Variants in LINGO2 observed in about 807,000 individuals in gnomAD.
LINGO2 encodes the protein leucine rich repeat and Ig domain containing 2, also known as leucine-rich repeat and immunoglobulin-like domain-containing nogo receptor-interacting protein 2.
A neutral mutation model predicts 30.6 loss-of-function variants in LINGO2; 14 were observed. The ratio of observed to expected loss-of-function variants is 0.46; its 90% CI spans 0.30 to 0.72. LINGO2 has a LOEUF of 0.72. Ranked by LOEUF, LINGO2 falls within the 30% of genes least tolerant of loss-of-function variation. LINGO2 has a pLI of 0.07. For missense variants in LINGO2, 729 were observed against 751.7 expected, an observed-to-expected ratio of 0.97 and a Z score of 0.35; for synonymous variants, 317 against 288.5, an observed-to-expected ratio of 1.10 and a Z score of -1.00.
chr9:28,010,721 G>C (rs750491499), intron 5 of LINGO2, among the ~76,000 whole-genome samples: 1 of 152,234 alleles, frequency 6.6e-6, no homozygotes, highest in Non-Finnish European at 1.5e-5. Flanking sequence ...GGGAGGCAGA[G>C]ATGGGAGGAT....
chr9:27,964,730 T>C (rs1280908175), intron 5 of LINGO2, among the ~76,000 whole-genome samples: 1 of 152,088 alleles, frequency 6.6e-6, no homozygotes, highest in Non-Finnish European at 1.5e-5. Context: ...TCAGTCCTTT[T>C]GTGTAGCAAT....
intron 4 of LINGO2, among the ~76,000 whole-genome samples, chr9:28,119,055 TAA>T (rs5897274): frequency 4.6e-5 from 7 of 152,028 alleles, no homozygotes; most frequent in South Asian, 4.2e-4. Context: ...GGCAGTCAAG[TAA>T]AAAAAAAATG....
chr9:28,711,531 A>T, the LINGO2 span, among the ~76,000 whole-genome samples: 4 of 152,134 alleles, frequency 2.6e-5, no homozygotes, highest in Admixed American at 6.6e-5. Context: ...AAGGTGAGCA[A>T]GGTTTTCAAA....
chr9:29,032,095 G>C, the LINGO2 span, among the ~76,000 whole-genome samples: 4 of 152,172 alleles, frequency 2.6e-5, no homozygotes, highest in African/African-American at 9.7e-5. Flanking sequence ...TTGTAGAGTA[G>C]TGCATAAACT....
At chr9:28,844,972 C>T in the LINGO2 span, among the ~76,000 whole-genome samples, 1 of 151,926 alleles carries the variant, frequency 6.6e-6, no homozygotes, top group South Asian at 2.1e-4. Context: ...TACAGAAAAT[C>T]ATATGCTAAG....
intron 1 of LINGO2, among the ~76,000 whole-genome samples, chr9:28,601,356 A>C (rs1357023750): frequency 6.6e-6 from 1 of 152,156 alleles, no homozygotes; most frequent in Non-Finnish European, 1.5e-5. Context: ...CCCAGCAGGC[A>C]GCCAGGTGCC....
intron 1 of LINGO2, among the ~76,000 whole-genome samples, chr9:28,556,664 AC>A (rs1261016486): frequency 2.6e-5 from 4 of 152,010 alleles, no homozygotes; most frequent in Non-Finnish European, 5.9e-5. Flanking sequence ...TTCATATGGA[AC>A]CAAAAAAGAG....
At chr9:28,628,401 T>A (rs1244847949) in intron 1 of LINGO2, among the ~76,000 whole-genome samples, 3 of 152,088 alleles carry the variant, frequency 2.0e-5, no homozygotes, top group Non-Finnish European at 4.4e-5. Flanking sequence ...GTAAAACAAA[T>A]GCTACTTGCA....
intron 1 of LINGO2, among the ~76,000 whole-genome samples, chr9:28,522,939 G>A (rs2135404723): frequency 6.6e-6 from 1 of 151,634 alleles, no homozygotes; most frequent in African/African-American, 2.4e-5. Context: ...AAAGACACAG[G>A]GAGAAACAGA....
the LINGO2 span, among the ~76,000 whole-genome samples, chr9:28,894,663 TAATA>T: frequency 2.0e-5 from 3 of 151,878 alleles, no homozygotes; most frequent in African/African-American, 7.2e-5. Flanking sequence ...TTTTACATTT[TAATA>T]ATATATAATA....
chr9:28,742,147 C>A, the LINGO2 span, among the ~76,000 whole-genome samples: 2 of 151,948 alleles, frequency 1.3e-5, no homozygotes, highest in Non-Finnish European at 2.9e-5. Flanking sequence ...GGGTTTGAGG[C>A]AAAATCTAAT....
At chr9:28,426,192 C>T (rs1823403765) in intron 2 of LINGO2, among the ~76,000 whole-genome samples, 1 of 151,968 alleles carries the variant, frequency 6.6e-6, no homozygotes, top group East Asian at 1.9e-4. Flanking sequence ...ATAATTTATC[C>T]TAGCAATAAA....
At chr9:28,307,297 T>A (rs1182862045) in intron 3 of LINGO2, among the ~76,000 whole-genome samples, 1 of 152,076 alleles carries the variant, frequency 6.6e-6, no homozygotes, top group South Asian at 2.1e-4. Flanking sequence ...ATAAATGTAA[T>A]CCAGCACATA....
intron 4 of LINGO2, among the ~76,000 whole-genome samples, chr9:28,278,265 T>C (rs758200640): frequency 2.0e-5 from 3 of 152,204 alleles, no homozygotes; most frequent in Non-Finnish European, 4.4e-5. Context: ...CAAGGGCTAA[T>C]GTAGAGGCTG....
At chr9:29,112,058 T>A in the LINGO2 span, among the ~76,000 whole-genome samples, 1 of 151,608 alleles carries the variant, frequency 6.6e-6, no homozygotes, top group South Asian at 2.1e-4. Flanking sequence ...TGTGTACATA[T>A]GATATATAAT....
chr9:28,189,677 AAGGAAGGGAGGAAGGAAGGGAGGG>A lies in LINGO2; in HGVS notation c.-87+105507_-87+105530del, dbSNP rs1564029501. 9.3e-3 allele frequency among the ~76,000 whole-genome samples: 239 copies of A among 25,640 alleles called. 12 individuals carry two copies. The highest frequency in any genetic ancestry group is 0.038 in the East Asian group (19 of 504). The allele number at this position is 25,640 out of a possible 152,430, so 16.8% of individuals were successfully genotyped here. A position where few individuals can be genotyped will look rare whatever the true frequency, so the allele number is the denominator to read the frequency against. On this transcript the variant is annotated intron_variant, in intron 4 of 5. Transcript: ENST00000379992. ...GAAGGAAGGAAGGAAGGGAGGAAGG[AAGGAAGGGAGGAAGGAAGGGAGGG>A]AGGAAGGAAGGAAGGAAGGAAGGTT...
chr9:28,806,786 A>C, the LINGO2 span, among the ~76,000 whole-genome samples: 2 of 152,140 alleles, frequency 1.3e-5, no homozygotes, highest in Non-Finnish European at 2.9e-5. Context: ...ACACTGGAGC[A>C]GCAGGACCCA....
chr9:28,870,578 A>G, the LINGO2 span, among the ~76,000 whole-genome samples: 1 of 152,030 alleles, frequency 6.6e-6, no homozygotes, highest in Non-Finnish European at 1.5e-5. Flanking sequence ...CTGTCTTCCA[A>G]TTCTTTGACC....
intron 4 of LINGO2, among the ~76,000 whole-genome samples, chr9:28,091,725 C>T (rs1478344596): frequency 6.6e-6 from 1 of 152,150 alleles, no homozygotes; most frequent in Non-Finnish European, 1.5e-5. Context: ...TAAAGAGCTT[C>T]TGCAGAGCAA....
Sources: allele counts gnomAD v4.1 joint callset (sites outside exome capture counted in the v4.1 genomes callset), GRCh38; gene constraint gnomAD v4.1.1; transcripts MANE v1.5; gene names NCBI Gene and HGNC (gene_info 2026-07-23, HGNC 2026-07-21).